The following FNIP1 variants were observed in gnomAD, a reference collection of about 807,000 sequenced individuals.
FNIP1 encodes folliculin-interacting protein 1.
FNIP1 carries 40 observed loss-of-function variants against 124.5 expected under a neutral mutation model. The observed-to-expected ratio is 0.32, with a 90% CI of 0.25 to 0.42. The LOEUF is 0.42. Ranked by LOEUF, FNIP1 falls within the 10% of genes least tolerant of loss-of-function variation. The pLI is 1.00. For synonymous variants in FNIP1, 472 were observed against 470.6 expected (o/e 1.00, Z -0.04); for missense variants, 1,176 against 1,403.7 (o/e 0.84, Z 2.59).
Position 131,641,719 on chromosome 5 carries a change from T to G in FNIP1, c.*2966A>C, listed in dbSNP as rs1279232169. On this transcript the variant is annotated 3_prime_UTR_variant, in exon 18 of 18. Coordinates refer to ENST00000510461, the MANE Select transcript of FNIP1 (RefSeq NM_133372.3). ...AGAAAGACCAACACCATCCATCAAG[T>G]TGACATGTGTATTTATTGCACAAAT... 1 of 152,746 alleles carries G rather than the reference T, an allele frequency of 6.5e-6. No individual in the cohort carries two copies. Among genetic ancestry groups the G allele is most frequent in the East Asian group, 1.9e-4 (1 of 5,340 alleles). The allele number at this position is 152,746 out of a possible 1,614,324, so 9.5% of individuals were successfully genotyped here. A position where few individuals can be genotyped will look rare whatever the true frequency, so the allele number is the denominator to read the frequency against.
chr5:131,735,348 T>C (rs1345117550), intron 2 of FNIP1, among the ~76,000 whole-genome samples: 1 of 151,954 alleles, frequency 6.6e-6, no homozygotes, highest in Non-Finnish European at 1.5e-5. Context: ...TTAGGAGATA[T>C]ACCTCATGTA....
chr5:131,652,504 G>A (rs767350334), intron 15 of FNIP1, among the ~76,000 whole-genome samples: 5 of 152,126 alleles, frequency 3.3e-5, no homozygotes, highest in Non-Finnish European at 5.9e-5. Flanking sequence ...ACAGGCACAC[G>A]CCACCACGCC....
At chr5:131,784,724 G>A (rs1244705128) in intron 1 of FNIP1, among the ~76,000 whole-genome samples, 1 of 151,424 alleles carries the variant, frequency 6.6e-6, no homozygotes, top group East Asian at 1.9e-4. Context: ...TGGGAGGCTG[G>A]GGTGGGAAGA....
chr5:131,644,946 C>A (rs1766824459), intron 17 of FNIP1, among the ~76,000 whole-genome samples, 183 bp from the exon 18 acceptor site: 1 of 152,130 alleles, frequency 6.6e-6, no homozygotes, highest in Non-Finnish European at 1.5e-5. Flanking sequence ...GTAACAACAT[C>A]ATAAACGTAG....
At position 131,796,814 on chromosome 5, in the gene FNIP1, C is replaced by A; in HGVS notation, c.92+16G>T. ...AAGGCCATCGGCTCCGCGACCCCCG[C>A]CCCACAGCGCCCTACCTGAACCCGC... On this transcript the variant is annotated intron_variant, in intron 1 of 17. Coordinates refer to ENST00000510461, the MANE Select transcript of FNIP1 (RefSeq NM_133372.3). 1 of 1,564,656 alleles carries A rather than the reference C, an allele frequency of 6.4e-7. No individual in the cohort carries two copies. The highest frequency in any genetic ancestry group is 1.2e-5 in the South Asian group (1 of 85,482).
chr5:131,687,132 G>A lies in FNIP1; in HGVS notation c.1203-7957C>T, dbSNP rs779197758. On this transcript the variant is annotated intron_variant, in intron 11 of 17. Transcript: ENST00000510461. ...TTTTTTTTTTTTCCTTTGAGACAGGGTCTTGCTCTGTCATGCAAGCTAGAG... is the reference window on the plus strand; with the variant it reads ...TTTTTTTTTTTTCCTTTGAGACAGGATCTTGCTCTGTCATGCAAGCTAGAG... Among the ~76,000 whole-genome samples, 172 of 150,462 alleles carry A rather than the reference G, an allele frequency of 1.1e-3. 1 individual carries two copies. The highest frequency in any genetic ancestry group is 3.7e-3 in the African/African-American group (152 of 40,940).
intron 15 of FNIP1, among the ~76,000 whole-genome samples, chr5:131,659,170 G>A (rs116333551): frequency 0.06 from 9,158 of 152,214 alleles, 513 homozygotes; most frequent in African/African-American, 0.15. Flanking sequence ...CCAGAGTGAC[G>A]ATCTTCTGCA....
chr5:131,671,340 T>A (rs759016955), intron 14 of FNIP1, among the ~76,000 whole-genome samples, 165 bp downstream of exon 14: 17 of 152,230 alleles, frequency 1.1e-4, no homozygotes, highest in Non-Finnish European at 2.4e-4. Flanking sequence ...TCCAGGGTGT[T>A]TCTGGAGCTT....
In FNIP1 at chr5:131,744,697, AGAAAAGTAAG is replaced by A; in HGVS notation, c.93-17_93-8del. 6.2e-7 allele frequency: 1 copy of A among 1,606,394 alleles called. No individual in the cohort carries two copies. Among genetic ancestry groups the A allele is most frequent in the South Asian group, 1.1e-5 (1 of 89,702 alleles). ...AAACTCTGGTAAAGGCCAACTTGAA[AGAAAAGTAAG>A]GAAAAGTAAAGATCCATTAGAGTTA... is the stretch of plus-strand genomic sequence containing the variant. On this transcript the variant is annotated splice_region_variant and splice_polypyrimidine_tract_variant and intron_variant, in intron 1 of 17. Coordinates refer to ENST00000510461, the MANE Select transcript of FNIP1 (RefSeq NM_133372.3).
intron 17 of FNIP1, 23 bp from the exon 18 acceptor site, chr5:131,644,786 G>T (rs766567849): frequency 7.4e-6 from 12 of 1,610,912 alleles, no homozygotes; most frequent in African/African-American, 1.3e-5. Context: ...GGAAAAAAAT[G>T]TCAGTTTTGA....
At chr5:131,726,133 A>G (rs77867773) in intron 3 of FNIP1, among the ~76,000 whole-genome samples, 4,608 of 152,268 alleles carry the variant, frequency 0.03, 232 homozygotes, top group African/African-American at 0.1. Context: ...GATGTTCATC[A>G]GGGATACTGG....
intron 15 of FNIP1, among the ~76,000 whole-genome samples, chr5:131,652,592 C>T (rs563394556): frequency 2.6e-5 from 4 of 152,274 alleles, no homozygotes; most frequent in Non-Finnish European, 5.9e-5. Context: ...CCACCCACCT[C>T]GGCCTCCCAA....
chr5:131,646,223 G>T (rs1378265248), intron 17 of FNIP1, among the ~76,000 whole-genome samples: 3 of 152,178 alleles, frequency 2.0e-5, no homozygotes, highest in Non-Finnish European at 2.9e-5. Flanking sequence ...TATAAATAGG[G>T]TCTAAAGTAA....
At chr5:131,661,218 TTTTGTGTGTGTGTGTG>T (rs1388761306) in intron 15 of FNIP1, among the ~76,000 whole-genome samples, 1 of 10,952 alleles carries the variant, frequency 9.1e-5, no homozygotes, top group Non-Finnish European at 3.3e-4. Flanking sequence ...CTTGTCTTTG[TTTTGTGTGTGTGTGTG>T]TGTGTGTGTG....
At chr5:131,789,053 C>A (rs1447601752) in intron 1 of FNIP1, among the ~76,000 whole-genome samples, 1 of 151,936 alleles carries the variant, frequency 6.6e-6, no homozygotes, top group Non-Finnish European at 1.5e-5. Flanking sequence ...AAGAAAATGT[C>A]GTATATATAC....
chr5:131,681,690 C>T (rs1015659087), intron 11 of FNIP1, among the ~76,000 whole-genome samples: 1 of 101,220 alleles, frequency 9.9e-6, no homozygotes, highest in Non-Finnish European at 2.1e-5. Context: ...GATAGAAAAA[C>T]AAAACATTCA....
chr5:131,709,643 T>C (rs1413693089), intron 7 of FNIP1, among the ~76,000 whole-genome samples: 1 of 152,226 alleles, frequency 6.6e-6, no homozygotes, highest in Non-Finnish European at 1.5e-5. Context: ...TAGTTCACTG[T>C]ACTGTTTCTG....
chr5:131,713,403 T>A (rs1458392112), intron 6 of FNIP1, among the ~76,000 whole-genome samples: 5 of 152,120 alleles, frequency 3.3e-5, no homozygotes, highest in African/African-American at 1.2e-4. Context: ...AATCTTTCCT[T>A]CTCATTCTTT....
At chr5:131,779,760 CA>C (rs944438754) in intron 1 of FNIP1, among the ~76,000 whole-genome samples, 9 of 143,600 alleles carry the variant, frequency 6.3e-5, no homozygotes, top group African/African-American at 1.8e-4. Context: ...CAGTACCAAC[CA>C]AAAAAAAACA....
Sources: allele counts gnomAD v4.1 joint callset (sites outside exome capture counted in the v4.1 genomes callset), GRCh38; gene constraint gnomAD v4.1.1; transcripts MANE v1.5; gene names NCBI Gene and HGNC (gene_info 2026-07-23, HGNC 2026-07-21).